The following C6orf52 variants were observed in gnomAD, a reference collection of about 807,000 sequenced individuals.
The protein encoded by C6orf52 is putative uncharacterized protein C6orf52.
A neutral mutation model predicts 16.6 loss-of-function variants in C6orf52; 16 were observed. The observed-to-expected ratio is 0.96, with a 90% confidence interval of 0.65 to 1.46. The LOEUF is 1.46. Ranked by LOEUF, C6orf52 falls within the 40% of genes most tolerant of loss-of-function variation. C6orf52 has a pLI of 0.00. For synonymous variants in C6orf52, 53 were observed against 61.4 expected (o/e 0.86, Z 0.64); for missense variants, 166 against 182.3 (o/e 0.91, Z 0.52).
intron 3 of C6orf52, among the ~76,000 whole-genome samples, chr6:10,685,247 GAA>G (rs34615421): frequency 4.1e-5 from 3 of 73,002 alleles, no homozygotes; most frequent in African/African-American, 1.0e-4. Context: ...AGGGGCAAAA[GAA>G]AAAAAAAAAA....
At chr6:10,680,270 T>G (rs1006736851) in intron 4 of C6orf52, among the ~76,000 whole-genome samples, 4 of 151,768 alleles carry the variant, frequency 2.6e-5, no homozygotes, top group African/African-American at 9.7e-5. Context: ...AAAAGAAAAA[T>G]AATGTTTTTT....
chr6:10,686,943 A>C (rs1337332945), intron 3 of C6orf52, 23 bp downstream of exon 3: 1 of 1,486,758 alleles, frequency 6.7e-7, no homozygotes, highest in South Asian at 1.3e-5. Context: ...GAATGACACA[A>C]GATTCATTCT....
chr6:10,691,371 T>G (rs1769285209), intron 1 of C6orf52, among the ~76,000 whole-genome samples: 2 of 151,898 alleles, frequency 1.3e-5, no homozygotes, highest in Non-Finnish European at 2.9e-5. Context: ...GAGGTCCGTG[T>G]GAGAGGGTCG....
chr6:10,689,739 G>A (rs569746122), intron 1 of C6orf52, among the ~76,000 whole-genome samples: 19 of 152,268 alleles, frequency 1.2e-4, no homozygotes, highest in African/African-American at 4.3e-4. Flanking sequence ...TGGACTATGA[G>A]GTGACATCCA....
At chr6:10,683,117 A>G in intron 4 of C6orf52, 70 bp downstream of exon 4, 1 of 1,031,648 alleles carries the variant, frequency 9.7e-7, no homozygotes. Flanking sequence ...AGTTTCTAGC[A>G]AGCTGAGTGA....
intron 3 of C6orf52, 129 bp from the exon 4 acceptor site, chr6:10,683,361 C>A (rs1224796025): frequency 3.6e-6 from 2 of 559,926 alleles, no homozygotes; most frequent in Non-Finnish European, 6.2e-6. Flanking sequence ...GACAATTAAT[C>A]TCTTTAAATC....
At chr6:10,690,093 G>A (rs1769161210) in intron 1 of C6orf52, among the ~76,000 whole-genome samples, 1 of 152,174 alleles carries the variant, frequency 6.6e-6, no homozygotes, top group South Asian at 2.1e-4. Flanking sequence ...TTGAGGAGGT[G>A]CTAAGGAGGC....
intron 3 of C6orf52, among the ~76,000 whole-genome samples, chr6:10,684,343 G>A (rs1307011730): frequency 6.6e-6 from 1 of 152,096 alleles, no homozygotes; most frequent in African/African-American, 2.4e-5. Flanking sequence ...AGAAAGAAAT[G>A]GCAAAGACAC....
intron 4 of C6orf52, among the ~76,000 whole-genome samples, chr6:10,682,599 T>C (rs1423571319): frequency 6.6e-6 from 1 of 152,190 alleles, no homozygotes; most frequent in Non-Finnish European, 1.5e-5. Flanking sequence ...AAGACAGACA[T>C]GTGATAAGAA....
intron 4 of C6orf52, among the ~76,000 whole-genome samples, chr6:10,680,479 T>G (rs1768283382): frequency 6.6e-6 from 1 of 152,214 alleles, no homozygotes; most frequent in African/African-American, 2.4e-5. Context: ...TTGTAGTTTT[T>G]TCTTGTTGTG....
At chr6:10,694,327 T>C (rs1416421466) in intron 1 of C6orf52, among the ~76,000 whole-genome samples, 167 bp downstream of exon 1, 1 of 148,150 alleles carries the variant, frequency 6.7e-6, no homozygotes, top group Non-Finnish European at 1.5e-5. Flanking sequence ...CCTTGGCCAA[T>C]ACAGCCCCAG....
At chr6:10,671,920 G>A (rs1417769052) in intron 4 of C6orf52, among the ~76,000 whole-genome samples, 1 of 152,188 alleles carries the variant, frequency 6.6e-6, no homozygotes, top group Admixed American at 6.5e-5. Context: ...TGACTGCCAT[G>A]TTTCTGGCAT....
At position 10,694,594 on chromosome 6, in the gene C6orf52, C is replaced by CGATT; in HGVS notation, c.-113_-112insAATC. On this transcript the variant is annotated 5_prime_UTR_variant, in exon 1 of 5. Transcript: ENST00000259983. ...CAATGCACGCTGCCGGCGCTACAGC[C>CGATT]CCTAAGCAACCGGCCGGAAGTCGGC... The CGATT allele has an allele frequency of 5.6e-6, 1 of 179,514 alleles. No homozygotes were observed. Among genetic ancestry groups the CGATT allele is most frequent in the Non-Finnish European group, 1.2e-5 (1 of 82,984 alleles). 11.1% of individuals were successfully genotyped at this position (179,514 alleles called of 1,614,324 possible). A position where few individuals can be genotyped will look rare whatever the true frequency, so the allele number is the denominator to read the frequency against.
At chr6:10,678,119 G>A (rs557249604) in intron 4 of C6orf52, among the ~76,000 whole-genome samples, 30 of 150,814 alleles carry the variant, frequency 2.0e-4, no homozygotes, top group African/African-American at 5.6e-4. Context: ...TGGAGGAGGC[G>A]GTTGCAGTGA....
intron 2 of C6orf52, 39 bp downstream of exon 2, chr6:10,687,441 T>C: frequency 2.9e-6 from 4 of 1,388,586 alleles, no homozygotes; most frequent in Non-Finnish European, 4.0e-6. Context: ...AATAGAACAG[T>C]AACAGCTTTC....
At position 10,691,196 on chromosome 6, in the gene C6orf52, G is replaced by C. The variant is rs141068327; in HGVS notation, c.-12+3298C>G. Among the ~76,000 whole-genome samples, 326 of 152,264 alleles carry C rather than the reference G, an allele frequency of 2.1e-3. 2 individuals carry two copies. The highest frequency in any genetic ancestry group is 7.4e-3 in the African/African-American group (307 of 41,536). On this transcript the variant is annotated intron_variant, in intron 1 of 4. Coordinates refer to ENST00000259983, the MANE Select transcript of C6orf52 (RefSeq NM_001145020.3). Reference sequence around the variant, plus strand: ...CGCTTACACTAATCTTTTTGAAACAGTACTTAAATTGTAGCAGGACAAGCC... The same window carrying C: ...CGCTTACACTAATCTTTTTGAAACACTACTTAAATTGTAGCAGGACAAGCC...
chr6:10,686,859 G>T, intron 3 of C6orf52, 107 bp downstream of exon 3: 2 of 813,150 alleles, frequency 2.5e-6, no homozygotes, highest in Non-Finnish European at 3.8e-6. Context: ...CAAAAGCCAT[G>T]TCTGTGGGAA....
chr6:10,686,778 A>G (rs1361584571), intron 3 of C6orf52, among the ~76,000 whole-genome samples, 188 bp downstream of exon 3: 1 of 152,238 alleles, frequency 6.6e-6, no homozygotes, highest in Non-Finnish European at 1.5e-5. Context: ...TTTGTGTATT[A>G]TACCTCAATA....
chr6:10,694,589 ACAGCCCCTAAGCAACCG>A lies in C6orf52; in HGVS notation c.-124_-108del. ...CACAACAATGCACGCTGCCGGCGCT[ACAGCCCCTAAGCAACCG>A]GCCGGAAGTCGGCCCCACCTCCTCC... On this transcript the variant is annotated 5_prime_UTR_variant, in exon 1 of 5. Coordinates refer to ENST00000259983, the MANE Select transcript of C6orf52 (RefSeq NM_001145020.3). 3 of 178,140 alleles carry A rather than the reference ACAGCCCCTAAGCAACCG, an allele frequency of 1.7e-5. No homozygotes were observed. The highest frequency in any genetic ancestry group is 1.6e-4 in the East Asian group (1 of 6,184). 11.0% of individuals were successfully genotyped at this position (178,140 alleles called of 1,614,324 possible). A position where few individuals can be genotyped will look rare whatever the true frequency, so the allele number is the denominator to read the frequency against.
Sources: allele counts gnomAD v4.1 joint callset (sites outside exome capture counted in the v4.1 genomes callset), GRCh38; gene constraint gnomAD v4.1.1; transcripts MANE v1.5; gene names NCBI Gene and HGNC (gene_info 2026-07-23, HGNC 2026-07-21).